SH3PXD2A: variants seen among roughly 807,000 people sequenced by gnomAD.
SH3PXD2A encodes the protein SH3 and PX domains 2A.
In SH3PXD2A, 32 loss-of-function variants were observed where a neutral mutation model predicts 115.2. The ratio of observed to expected loss-of-function variants is 0.28; its 90% CI spans 0.21 to 0.37. SH3PXD2A has a LOEUF of 0.37. SH3PXD2A is among the 10% of genes least tolerant of loss of function. The pLI, the probability that SH3PXD2A is intolerant of heterozygous loss-of-function variation, is 1.00. For synonymous variants in SH3PXD2A, 610 were observed against 629.1 expected, an observed-to-expected ratio of 0.97 and a Z score of 0.45; for missense variants, 1,328 against 1,498.7, an observed-to-expected ratio of 0.89 and a Z score of 1.88.
intron 1 of SH3PXD2A, among the ~76,000 whole-genome samples, chr10:103,832,502 C>T (rs1395948043): frequency 6.6e-6 from 1 of 152,018 alleles, no homozygotes; most frequent in African/African-American, 2.4e-5. Flanking sequence ...TGGAACCAAC[C>T]CAAATGTCCA....
chr10:103,611,700 C>T, intron 12 of SH3PXD2A, 70 bp from the exon 13 acceptor site: 1 of 1,149,664 alleles, frequency 8.7e-7, no homozygotes, highest in Non-Finnish European at 1.3e-6. Flanking sequence ...CCTGCCTTCC[C>T]TAGGTGAAAC....
chr10:103,848,212 CT>C, intron 1 of SH3PXD2A, among the ~76,000 whole-genome samples: 1 of 5,210 alleles, frequency 1.9e-4, no homozygotes, highest in Non-Finnish European at 3.0e-3. Flanking sequence ...GCTCCCTCTC[CT>C]CCTCCTCCTC....
chr10:103,643,299 G>T (rs1025437163), intron 8 of SH3PXD2A, among the ~76,000 whole-genome samples: 1 of 152,192 alleles, frequency 6.6e-6, no homozygotes, highest in African/African-American at 2.4e-5. Context: ...ACTTGGGGTC[G>T]TTTAACTCTG....
At chr10:103,639,621 A>G (rs1317581557) in intron 8 of SH3PXD2A, among the ~76,000 whole-genome samples, 1 of 94,972 alleles carries the variant, frequency 1.1e-5, no homozygotes, top group African/African-American at 4.1e-5. Context: ...AAAAAAAAAA[A>G]AAAAAGAAAA....
chr10:103,842,222 T>C (rs879876662), intron 1 of SH3PXD2A, among the ~76,000 whole-genome samples: 8 of 140,686 alleles, frequency 5.7e-5, no homozygotes, highest in Non-Finnish European at 1.2e-4. Context: ...TCAACCCCCA[T>C]CTCATACACT....
intron 5 of SH3PXD2A, among the ~76,000 whole-genome samples, chr10:103,701,227 T>G (rs1278126316): frequency 7.4e-6 from 1 of 134,418 alleles, no homozygotes; most frequent in Non-Finnish European, 1.5e-5. Flanking sequence ...CCATCTACCA[T>G]CCAGCCATCC....
chr10:103,812,013 T>C (rs1268741906), intron 1 of SH3PXD2A, among the ~76,000 whole-genome samples: 3 of 152,208 alleles, frequency 2.0e-5, no homozygotes, highest in African/African-American at 7.2e-5. Context: ...TGAATTTTAG[T>C]CTCTTCCCCT....
chr10:103,653,562 A>G (rs1236018410), intron 8 of SH3PXD2A, among the ~76,000 whole-genome samples: 1 of 152,186 alleles, frequency 6.6e-6, no homozygotes, highest in Non-Finnish European at 1.5e-5. Flanking sequence ...AGGTCCACAG[A>G]GCCAGTAGGT....
At chr10:103,626,680 A>C (rs973148557) in intron 9 of SH3PXD2A, among the ~76,000 whole-genome samples, 1 of 151,718 alleles carries the variant, frequency 6.6e-6, no homozygotes. Context: ...TAATTCCAGC[A>C]CTTTGGGAGG....
intron 13 of SH3PXD2A, 115 bp from the exon 14 acceptor site, chr10:103,606,032 G>GCT: frequency 9.5e-7 from 1 of 1,047,438 alleles, no homozygotes; most frequent in Non-Finnish European, 1.4e-6. Context: ...TACACCAGCT[G>GCT]GACAGCAGCT....
chr10:103,743,745 T>C (rs2038469151), intron 3 of SH3PXD2A, among the ~76,000 whole-genome samples: 2 of 131,090 alleles, frequency 1.5e-5, no homozygotes, highest in African/African-American at 7.1e-5. Context: ...AATACCCAAC[T>C]CTAAAAACAA....
chr10:103,762,986 G>T (rs2038716874), intron 3 of SH3PXD2A, among the ~76,000 whole-genome samples: 1 of 151,808 alleles, frequency 6.6e-6, no homozygotes, highest in Admixed American at 6.6e-5. Flanking sequence ...CTCCAGGGAT[G>T]GAGCTTCTGC....
At chr10:103,732,389 C>G (rs1394001510) in intron 4 of SH3PXD2A, among the ~76,000 whole-genome samples, 1 of 152,196 alleles carries the variant, frequency 6.6e-6, no homozygotes, top group Non-Finnish European at 1.5e-5. Flanking sequence ...AAAGAAATGC[C>G]TTTGGAACCC....
In SH3PXD2A at chr10:103,666,920, A is replaced by C. The variant is rs979267245; in HGVS notation, c.472+1688T>G. ...GGGAGGCCGGGGGCTGTGTCCCTGC[A>C]ACATGCCCCTCCCAGACCCTACCTT... On this transcript the variant is annotated intron_variant, in intron 7 of 14. Transcript: ENST00000369774. This position sits in a 1 kb window ranked among gnomAD's most constrained non-coding sequence, Gnocchi z 4.5. Among the ~76,000 whole-genome samples, 2 of 152,168 alleles carry C rather than the reference A, an allele frequency of 1.3e-5. No homozygotes were observed. Among genetic ancestry groups the C allele is most frequent in the Middle Eastern group, 3.2e-3 (1 of 316 alleles).
intron 6 of SH3PXD2A, among the ~76,000 whole-genome samples, chr10:103,692,378 T>TGCGGGGG (rs1210804472): frequency 2.3e-5 from 3 of 128,048 alleles, no homozygotes; most frequent in Non-Finnish European, 5.0e-5. Flanking sequence ...GTCAGGCCAA[T>TGCGGGGG]GCGGGGGGCG....
intron 13 of SH3PXD2A, among the ~76,000 whole-genome samples, chr10:103,607,431 C>T (rs1200908224): frequency 6.6e-6 from 1 of 152,032 alleles, no homozygotes; most frequent in Non-Finnish European, 1.5e-5. Context: ...AGGCCAGCCG[C>T]CCTGTCCGGG....
At chr10:103,749,836 T>C (rs1194006634) in intron 3 of SH3PXD2A, 1 of 152,228 alleles carries the variant, frequency 6.6e-6, no homozygotes, top group Admixed American at 6.5e-5. Context: ...GAAGCAGCAC[T>C]GTGGAGATCC....
rs774400760 is a variant in SH3PXD2A, at chr10:103,668,627, C to T, written c.453G>A (p.Ser151=). The T allele has an allele frequency of 1.1e-4, 172 of 1,558,018 alleles. No individual in the cohort carries two copies. The South Asian group carries it at 1.4e-3, about 13-fold the overall frequency. The change falls in exon 7 of 15, where the codon TCG becomes TCA. Residue 151 remains serine, a synonymous_variant. Coordinates refer to ENST00000369774, the MANE Select transcript of SH3PXD2A (RefSeq NM_001394015.1). ...KSVWLSSWAE[S]PKKDVTGADA... ...CAGTACCTGTCACGTCCTTCTTGGGCGACTCAGCCCAGCTGGACAGCCACA... is the reference window on the plus strand; with the variant it reads ...CAGTACCTGTCACGTCCTTCTTGGGTGACTCAGCCCAGCTGGACAGCCACA...
chr10:103,676,713 C>T (rs1422619843), intron 6 of SH3PXD2A, among the ~76,000 whole-genome samples: 2 of 152,136 alleles, frequency 1.3e-5, no homozygotes, highest in Non-Finnish European at 2.9e-5. Flanking sequence ...GCAGCTGCTG[C>T]CCAACCCATG....
Sources: allele counts gnomAD v4.1 joint callset (sites outside exome capture counted in the v4.1 genomes callset), GRCh38; gene constraint gnomAD v4.1.1; non-coding constraint Gnocchi (gnomAD v3.1); transcripts MANE v1.5; gene names NCBI Gene and HGNC (gene_info 2026-07-23, HGNC 2026-07-21).